Variants in RAB8B observed in about 807,000 individuals in gnomAD.
RAB8B encodes ras-related protein Rab-8B.
RAB8B carries 11 observed loss-of-function variants against 32.0 expected under a neutral mutation model. The observed-to-expected ratio is 0.34, with a 90% CI of 0.22 to 0.57. The LOEUF (loss-of-function observed/expected upper bound fraction) is 0.57. RAB8B is among the 20% of genes least tolerant of loss of function. RAB8B has a pLI of 0.86. For synonymous variants in RAB8B, 103 were observed against 89.6 expected, an observed-to-expected ratio of 1.15 and a Z score of -0.85; for missense variants, 190 against 258.5, an observed-to-expected ratio of 0.73 and a Z score of 1.82.
At chr15:63,191,300 T>TA (rs869042632) in intron 1 of RAB8B, among the ~76,000 whole-genome samples, 4 of 152,246 alleles carry the variant, frequency 2.6e-5, no homozygotes, top group East Asian at 1.9e-4. Context: ...TATCTTTTTT[T>TA]AAAAAAAGAG....
intron 1 of RAB8B, among the ~76,000 whole-genome samples, chr15:63,238,242 A>G (rs2038000011): frequency 6.6e-6 from 1 of 152,056 alleles, no homozygotes; most frequent in Admixed American, 6.6e-5. Flanking sequence ...AAAAAAAAAA[A>G]AAGTTGCTCC....
intron 1 of RAB8B, among the ~76,000 whole-genome samples, chr15:63,219,523 A>G (rs1273650362): frequency 6.6e-6 from 1 of 151,936 alleles, no homozygotes; most frequent in African/African-American, 2.4e-5. Context: ...CACAGAGTCC[A>G]CTGCACATGT....
intron 1 of RAB8B, among the ~76,000 whole-genome samples, chr15:63,198,747 T>C (rs879398103): frequency 1.3e-5 from 2 of 152,224 alleles, no homozygotes; most frequent in Admixed American, 6.5e-5. Context: ...TCTGAAGATA[T>C]ATGGTCAAGT....
At position 63,259,034 on chromosome 15, in the gene RAB8B, A is replaced by G. The variant is rs1274752361; in HGVS notation, c.415-593A>G. ...CCTCCAGACCCTATTCTGCTACCTTAGGAGGGTGGGTATTTATCCCATATT... is the reference window on the plus strand; with the variant it reads ...CCTCCAGACCCTATTCTGCTACCTTGGGAGGGTGGGTATTTATCCCATATT... On this transcript the variant is annotated intron_variant, in intron 5 of 7. Coordinates refer to ENST00000321437, the MANE Select transcript of RAB8B (RefSeq NM_016530.3). The surrounding 1 kb of genome is among the most constrained non-coding windows in gnomAD (Gnocchi z 4.4). Among the ~76,000 whole-genome samples, 1 of 152,140 alleles carries G rather than the reference A, an allele frequency of 6.6e-6. No individual in the cohort carries two copies. The highest frequency in any genetic ancestry group is 1.9e-4 in the East Asian group (1 of 5,202).
At chr15:63,236,476 T>A (rs2037981366) in intron 1 of RAB8B, among the ~76,000 whole-genome samples, 2 of 152,194 alleles carry the variant, frequency 1.3e-5, no homozygotes, top group Admixed American at 1.3e-4. Flanking sequence ...CTGGGTGGGC[T>A]GCATGCCTCC....
At chr15:63,207,139 A>T (rs1194528726) in intron 1 of RAB8B, among the ~76,000 whole-genome samples, 1 of 152,240 alleles carries the variant, frequency 6.6e-6, no homozygotes, top group Non-Finnish European at 1.5e-5. Flanking sequence ...CTCTTTTAGA[A>T]ATTGGACACT....
chr15:63,227,168 G>C (rs761889936), intron 1 of RAB8B, among the ~76,000 whole-genome samples: 1 of 152,174 alleles, frequency 6.6e-6, no homozygotes, highest in African/African-American at 2.4e-5. Context: ...TTAGCTATCT[G>C]GGAATGCAGC....
chr15:63,248,313 A>G lies in RAB8B; in HGVS notation c.186-1332A>G, dbSNP rs527653742. Among the ~76,000 whole-genome samples, 4 of 152,218 alleles carry G rather than the reference A, an allele frequency of 2.6e-5. No homozygotes were observed. The East Asian group carries it at 7.7e-4, about 29-fold the overall frequency. The stretch of plus-strand genomic sequence containing the variant: ...TAGATCACAAGGTCAGGAGTTTGAG[A>G]CCAGCCTGGTTAATATGGTGAAACC... On this transcript the variant is annotated intron_variant, in intron 2 of 7. Coordinates refer to ENST00000321437, the MANE Select transcript of RAB8B (RefSeq NM_016530.3). This position sits in a 1 kb window ranked among gnomAD's most constrained non-coding sequence, Gnocchi z 4.4.
At chr15:63,228,918 T>C (rs2037910653) in intron 1 of RAB8B, among the ~76,000 whole-genome samples, 1 of 152,258 alleles carries the variant, frequency 6.6e-6, no homozygotes, top group Non-Finnish European at 1.5e-5. Flanking sequence ...CTTTAGTTTG[T>C]AATTTTGAAA....
At chr15:63,194,051 C>T (rs1189219028) in intron 1 of RAB8B, among the ~76,000 whole-genome samples, 1 of 152,164 alleles carries the variant, frequency 6.6e-6, no homozygotes, top group South Asian at 2.1e-4. Flanking sequence ...ACAATCAGAG[C>T]TTCTTCCCTT....
chr15:63,194,529 C>T (rs1202194501), intron 1 of RAB8B, among the ~76,000 whole-genome samples: 2 of 152,188 alleles, frequency 1.3e-5, no homozygotes, highest in Admixed American at 6.5e-5. Flanking sequence ...CTGTCCTTTG[C>T]CCTTTCTGTG....
Position 63,256,560 on chromosome 15 carries a change from A to T in RAB8B, c.380A>T (p.Asp127Val). ...CTGGGTAACAAATGTGATATGAATG[A>T]CAAAAGACAAGTGTCAAAAGAAAGA... ...MILGNKCDMN[D>V]KRQVSKERGE... The change falls in exon 5 of 8, where the codon GAC becomes GTC. Residue 127 changes from aspartate to valine, a missense_variant. Around this residue, in one of 2 missense-constraint regions of RAB8B, gnomAD observed 110 missense variants for 115.9 expected, o/e 0.95. Coordinates refer to ENST00000321437, the MANE Select transcript of RAB8B (RefSeq NM_016530.3). 1 of 1,604,620 alleles carries T rather than the reference A, an allele frequency of 6.2e-7. No homozygotes were observed. Among genetic ancestry groups the T allele is most frequent in the African/African-American group, 1.3e-5 (1 of 74,446 alleles).
At chr15:63,198,909 G>A (rs1476509688) in intron 1 of RAB8B, among the ~76,000 whole-genome samples, 1 of 152,178 alleles carries the variant, frequency 6.6e-6, no homozygotes, top group African/African-American at 2.4e-5. Context: ...ACAAAAAAAA[G>A]AGTTTGTGTT....
At chr15:63,242,814 C>A (rs1164104117) in intron 1 of RAB8B, among the ~76,000 whole-genome samples, 2 of 151,946 alleles carry the variant, frequency 1.3e-5, no homozygotes, top group African/African-American at 4.8e-5. Context: ...TTTTTGTCAC[C>A]AGGGACTGGT....
intron 1 of RAB8B, among the ~76,000 whole-genome samples, chr15:63,225,150 C>T (rs2037878553): frequency 6.6e-6 from 1 of 152,214 alleles, no homozygotes; most frequent in Admixed American, 6.5e-5. Flanking sequence ...GGATTCAAAA[C>T]TCTGCAGCTG....
At chr15:63,246,218 T>C (rs937432986) in intron 2 of RAB8B, among the ~76,000 whole-genome samples, 2 of 152,250 alleles carry the variant, frequency 1.3e-5, no homozygotes, top group Non-Finnish European at 2.9e-5. Context: ...ACATTTTGAC[T>C]GTGACCCGTC....
intron 2 of RAB8B, among the ~76,000 whole-genome samples, chr15:63,245,942 G>A (rs1245223531): frequency 6.6e-6 from 1 of 151,958 alleles, no homozygotes; most frequent in Non-Finnish European, 1.5e-5. Context: ...GTGTGAGCTC[G>A]GCTCACTGCA....
At chr15:63,243,993 C>T (rs2141135756) in intron 1 of RAB8B, among the ~76,000 whole-genome samples, 1 of 152,272 alleles carries the variant, frequency 6.6e-6, no homozygotes, top group East Asian at 1.9e-4. Context: ...AGATAACTAA[C>T]TCACTCCTGT....
intron 1 of RAB8B, among the ~76,000 whole-genome samples, chr15:63,236,274 C>G (rs574074942): frequency 2.0e-5 from 3 of 152,174 alleles, no homozygotes; most frequent in East Asian, 1.9e-4. Context: ...AATGAAAATG[C>G]CTTTGAGTCA....
Sources: gnomAD v4.1 joint callset for allele counts (sites outside exome capture counted in the v4.1 genomes callset) on GRCh38, gnomAD v4.1.1 for gene constraint, gnomAD v4.1.1 regional missense constraint, Gnocchi (gnomAD v3.1) non-coding constraint, MANE v1.5 for transcripts, NCBI Gene and HGNC (gene_info 2026-07-23, HGNC 2026-07-21) for gene names.